Variants in DZANK1 observed in about 807,000 individuals in gnomAD.
The protein encoded by DZANK1 is double zinc ribbon and ankyrin repeat-containing protein 1.
A neutral mutation model predicts 94.5 loss-of-function variants in DZANK1; 91 were observed. That is an observed-to-expected ratio of 0.96 (90% confidence interval 0.81 to 1.15). The LOEUF (loss-of-function observed/expected upper bound fraction) is 1.15, where lower values mean the gene tolerates loss of function less well. Ranked by LOEUF, DZANK1 falls within the 50% of genes most tolerant of loss-of-function variation. The pLI, the probability that DZANK1 is intolerant of heterozygous loss-of-function variation, is 0.00. For missense variants in DZANK1, 903 were observed against 916.4 expected, an observed-to-expected ratio of 0.99 and a Z score of 0.19; for synonymous variants, 312 against 325.3, an observed-to-expected ratio of 0.96 and a Z score of 0.44.
intron 10 of DZANK1, among the ~76,000 whole-genome samples, chr20:18,422,799 C>CTTTTTTTTTTTTTTTT (rs55683540): frequency 8.0e-6 from 1 of 124,854 alleles, no homozygotes; most frequent in Non-Finnish European, 1.7e-5. Flanking sequence ...TGGCTTTGTT[C>CTTTTTTTTTTTTTTTT]TTTTTTTTTT....
At chr20:18,393,810 C>A in exon 17 of DZANK1, 1 of 1,606,788 alleles carries the variant, frequency 6.2e-7, no homozygotes, top group Middle Eastern at 1.7e-4. Flanking sequence ...TGTAGTCACT[C>A]ACTGAAATGA....
intron 11 of DZANK1, 35 bp downstream of exon 11, chr20:18,415,292 C>T: frequency 6.9e-7 from 1 of 1,455,684 alleles, no homozygotes; most frequent in Non-Finnish European, 9.1e-7. Context: ...TGGTGAGGTG[C>T]TCAGTATACA....
chr20:18,448,883 A>C, intron 7 of DZANK1, 101 bp downstream of exon 7: 1 of 973,110 alleles, frequency 1.0e-6, no homozygotes, highest in Admixed American at 2.6e-5. Flanking sequence ...AAAAAAAAAA[A>C]AAAGTTGGAG....
intron 2 of DZANK1, among the ~76,000 whole-genome samples, chr20:18,464,360 C>G (rs991590413): frequency 2.0e-5 from 3 of 152,178 alleles, no homozygotes; most frequent in Admixed American, 1.3e-4. Flanking sequence ...CTGGCCCTCA[C>G]TGCTTTATTT....
At chr20:18,396,965 CTGTG>C (rs1487675375) in intron 14 of DZANK1, among the ~76,000 whole-genome samples, 3 of 152,144 alleles carry the variant, frequency 2.0e-5, no homozygotes, top group Admixed American at 1.3e-4. Context: ...GAGCAGCTTT[CTGTG>C]TAAGTAGCAA....
chr20:18,456,338 G>C (rs1274968802), intron 3 of DZANK1, among the ~76,000 whole-genome samples: 1 of 152,156 alleles, frequency 6.6e-6, no homozygotes, highest in East Asian at 1.9e-4. Flanking sequence ...ATGTAGCCGT[G>C]CCCATGACTA....
intron 10 of DZANK1, among the ~76,000 whole-genome samples, chr20:18,426,573 G>T (rs2058053536): frequency 6.6e-6 from 1 of 152,182 alleles, no homozygotes; most frequent in Non-Finnish European, 1.5e-5. Flanking sequence ...ACATAAAATA[G>T]ATCATCACCG....
At position 18,464,960 on chromosome 20, in the gene DZANK1, C is replaced by A. The variant is rs142073954; in HGVS notation, c.109+290G>T. On this transcript the variant is annotated intron_variant, in intron 2 of 20. Transcript: ENST00000262547. ...AAAGTTCTGGGATTACTGGTGTGAACCACCGCACCCGGCCAGCACCGGGAC... is the reference window on the plus strand; with the variant it reads ...AAAGTTCTGGGATTACTGGTGTGAAACACCGCACCCGGCCAGCACCGGGAC... Among the ~76,000 whole-genome samples, 388 of 151,678 alleles carry A rather than the reference C, an allele frequency of 2.6e-3. 6 individuals are homozygous for A. Among genetic ancestry groups the A allele is most frequent in the Admixed American group, 0.022 (328 of 15,234 alleles).
At chr20:18,403,738 T>A (rs2056805391) in intron 13 of DZANK1, among the ~76,000 whole-genome samples, 1 of 151,612 alleles carries the variant, frequency 6.6e-6, no homozygotes, top group Non-Finnish European at 1.5e-5. Flanking sequence ...GGGTTGGACA[T>A]GTGACCCAGG....
intron 14 of DZANK1, 56 bp downstream of exon 14, chr20:18,398,467 G>T (rs1600755285): frequency 6.6e-7 from 1 of 1,523,300 alleles, no homozygotes; most frequent in East Asian, 2.3e-5. Context: ...TCCATGGAGG[G>T]TTCCTTCAGC....
At chr20:18,440,405 A>G (rs2058682324) in intron 8 of DZANK1, among the ~76,000 whole-genome samples, 1 of 152,238 alleles carries the variant, frequency 6.6e-6, no homozygotes, top group South Asian at 2.1e-4. Context: ...TGCACATATC[A>G]ATGAATTTAT....
chr20:18,394,638 G>T (rs1315598723), intron 15 of DZANK1: 3 of 598,976 alleles, frequency 5.0e-6, no homozygotes, highest in Non-Finnish European at 6.4e-6. Context: ...TTCAACAGGG[G>T]TCTGCCAGCC....
At position 18,433,681 on chromosome 20, in the gene DZANK1, G is replaced by A. The variant is rs1600998113; in HGVS notation, c.832C>T (p.Leu278=). 1.9e-6 allele frequency: 3 copies of A among 1,614,030 alleles called. No homozygotes were observed. In the East Asian group the frequency reaches 6.7e-5, roughly 36 times the overall value. ...AAGTGGAGGCTTGCCTGTGGCTGCAGCTGTAGAGCAAGAGGGGCCTCACAC... is the reference window on the plus strand; with the variant it reads ...AAGTGGAGGCTTGCCTGTGGCTGCAACTGTAGAGCAAGAGGGGCCTCACAC... Residue 278 remains leucine (L), a synonymous_variant, in exon 9 of 21, where the codon CTG becomes TTG. Transcript: ENST00000262547.
Position 18,427,060 on chromosome 20 carries a change from A to G in DZANK1, c.954+7T>C, listed in dbSNP as rs1255579788. On this transcript the variant is annotated splice_region_variant and intron_variant, in intron 10 of 20. Coordinates refer to ENST00000262547, the Ensembl canonical transcript of DZANK1. ...AAATATAGGATTGGCACATGCAATCAACCTACCTCTTGTGATGAAGGCAGG... is the reference window on the plus strand; with the variant it reads ...AAATATAGGATTGGCACATGCAATCGACCTACCTCTTGTGATGAAGGCAGG... 3 of 1,601,400 alleles carry G rather than the reference A, an allele frequency of 1.9e-6. No individual in the cohort carries two copies. The highest frequency in any genetic ancestry group is 2.6e-6 in the Non-Finnish European group (3 of 1,170,900).
rs750385324 is a variant in DZANK1, at chr20:18,444,798, GTTTA to G, written c.630-1338_630-1335del. ...AAAGAAACCAACTTTATATTTGTTTGTTTATTTATTTATTTATTTAGAGACGGAG... is the reference window on the plus strand; with the variant it reads ...AAAGAAACCAACTTTATATTTGTTTGTTTATTTATTTATTTAGAGACGGAG... On this transcript the variant is annotated intron_variant, in intron 7 of 20. Transcript: ENST00000262547. 2.4e-3 allele frequency among the ~76,000 whole-genome samples: 362 copies of G among 151,996 alleles called. 5 individuals carry two copies. Among genetic ancestry groups the G allele is most frequent in the Admixed American group, 0.02 (300 of 15,234 alleles).
intron 17 of DZANK1, among the ~76,000 whole-genome samples, chr20:18,392,004 T>C (rs2056026624): frequency 1.3e-5 from 2 of 152,214 alleles, no homozygotes; most frequent in South Asian, 4.1e-4. Context: ...GACCTTTACG[T>C]CTTTTGTTTA....
chr20:18,465,339 C>G (rs1413668887), exon 2 of DZANK1: 1 of 1,601,986 alleles, frequency 6.2e-7, no homozygotes, highest in African/African-American at 1.3e-5. Flanking sequence ...CTGAGGGACA[C>G]ACACTGAACC....
In DZANK1 at chr20:18,426,557, T is replaced by G. The variant is rs142448769; in HGVS notation, c.954+510A>C. 5.6e-3 allele frequency among the ~76,000 whole-genome samples: 859 copies of G among 152,308 alleles called. 12 individuals are homozygous for G. Among genetic ancestry groups the G allele is most frequent in the African/African-American group, 0.02 (815 of 41,560 alleles). The stretch of plus-strand genomic sequence containing the variant: ...AATTTTAATTTTCATCAGAAACGTT[T>G]TATAAACATAAAATAGATCATCACC... On this transcript the variant is annotated intron_variant, in intron 10 of 20. Coordinates refer to ENST00000262547, the Ensembl canonical transcript of DZANK1.
intron 7 of DZANK1, among the ~76,000 whole-genome samples, chr20:18,447,160 G>A (rs2058907545): frequency 6.6e-6 from 1 of 152,146 alleles, no homozygotes; most frequent in Non-Finnish European, 1.5e-5. Flanking sequence ...GAAGCTCTCA[G>A]CAAATTGGAA....
Sources: gnomAD v4.1 joint callset for allele counts (sites outside exome capture counted in the v4.1 genomes callset) on GRCh38, gnomAD v4.1.1 for gene constraint, MANE v1.5 for transcripts, NCBI Gene and HGNC (gene_info 2026-07-23, HGNC 2026-07-21) for gene names.